PLCG2: variants seen among roughly 807,000 people sequenced by gnomAD.
PLCG2 encodes the protein 1-phosphatidylinositol 4,5-bisphosphate phosphodiesterase gamma-2.
In PLCG2, 69 loss-of-function variants were observed where a neutral mutation model predicts 175.6. The ratio of observed to expected loss-of-function variants is 0.39; its 90% CI spans 0.32 to 0.48. The LOEUF (loss-of-function observed/expected upper bound fraction) is 0.48, where lower values mean the gene tolerates loss of function less well. PLCG2 is among the 20% of genes least tolerant of loss of function. The probability of loss-of-function intolerance (pLI) is 0.91; values close to 1 mark genes in which losing one functional copy is unlikely to be tolerated. For missense variants in PLCG2, 1,798 were observed against 1,650.9 expected, an observed-to-expected ratio of 1.09 and a Z score of -1.54; for synonymous variants, 827 against 624.0, an observed-to-expected ratio of 1.33 and a Z score of -4.85.
chr16:81,768,443 A>G (rs1423845644), intron 2 of PLCG2, among the ~76,000 whole-genome samples: 1 of 151,768 alleles, frequency 6.6e-6, no homozygotes, highest in Non-Finnish European at 1.5e-5. Flanking sequence ...ATGGTAAGTG[A>G]ATGTTTAACT....
intron 14 of PLCG2, among the ~76,000 whole-genome samples, chr16:81,901,142 C>G (rs1182270654): frequency 2.0e-5 from 3 of 152,180 alleles, no homozygotes; most frequent in Non-Finnish European, 4.4e-5. Context: ...CTTCCCCATC[C>G]TCTCTCGGAG....
intron 2 of PLCG2, among the ~76,000 whole-genome samples, chr16:81,790,260 A>G (rs1293521549): frequency 1.3e-5 from 2 of 152,134 alleles, no homozygotes; most frequent in African/African-American, 4.8e-5. Context: ...AGTCTTCCTT[A>G]GGGGTTTGGA....
chr16:81,931,675 G>T (rs1910509293), intron 25 of PLCG2, 21 bp downstream of exon 25: 1 of 1,609,224 alleles, frequency 6.2e-7, no homozygotes, highest in South Asian at 1.1e-5. Context: ...GCTCACCCGG[G>T]TGCAGGTGGG....
chr16:81,835,357 A>T (rs12917731), intron 2 of PLCG2, among the ~76,000 whole-genome samples: 3,230 of 152,080 alleles, frequency 0.021, 41 homozygotes, highest in Middle Eastern at 0.048. Flanking sequence ...GCACTTTGGG[A>T]GGCCAAAGCG....
intron 5 of PLCG2, among the ~76,000 whole-genome samples, chr16:81,865,302 C>T (rs959825629): frequency 6.6e-6 from 1 of 152,098 alleles, no homozygotes; most frequent in Admixed American, 6.5e-5. Context: ...TCCCCTGCAG[C>T]GATGGGGGCT....
intron 27 of PLCG2, 83 bp downstream of exon 27, chr16:81,936,461 AC>A: frequency 9.4e-7 from 1 of 1,063,184 alleles, no homozygotes; most frequent in Non-Finnish European, 1.5e-6. Flanking sequence ...GGTCAGCGAT[AC>A]CATGTGGTGT....
intron 2 of PLCG2, among the ~76,000 whole-genome samples, chr16:81,828,834 C>G (rs535481389): frequency 7.2e-5 from 11 of 152,150 alleles, no homozygotes; most frequent in Non-Finnish European, 1.5e-4. Flanking sequence ...TTTATTTCCC[C>G]TTAACTTGCA....
At chr16:81,796,848 C>G (rs1439104912) in intron 2 of PLCG2, among the ~76,000 whole-genome samples, 1 of 152,212 alleles carries the variant, frequency 6.6e-6, no homozygotes, top group Admixed American at 6.5e-5. Flanking sequence ...AACTGTGAGA[C>G]AAACTTCTGT....
chr16:81,857,232 C>A (rs1317210547), intron 3 of PLCG2, among the ~76,000 whole-genome samples: 2 of 152,202 alleles, frequency 1.3e-5, no homozygotes, highest in Non-Finnish European at 1.5e-5. Flanking sequence ...TAGGGTGGGA[C>A]CTAAGTATTG....
At chr16:81,898,967 C>T (rs1285781018) in intron 13 of PLCG2, among the ~76,000 whole-genome samples, 5 of 152,070 alleles carry the variant, frequency 3.3e-5, no homozygotes, top group African/African-American at 1.2e-4. Context: ...GGTGGATCAA[C>T]TGAATTCAGG....
chr16:81,901,878 A>G (rs1909167569), intron 14 of PLCG2, among the ~76,000 whole-genome samples: 1 of 152,256 alleles, frequency 6.6e-6, no homozygotes, highest in Non-Finnish European at 1.5e-5. Flanking sequence ...TCATGTTTCA[A>G]TATAATTGAG....
intron 2 of PLCG2, among the ~76,000 whole-genome samples, chr16:81,760,503 A>G (rs1910015415): frequency 6.6e-6 from 1 of 152,110 alleles, no homozygotes; most frequent in South Asian, 2.1e-4. Flanking sequence ...GGAGTGTGGG[A>G]AAACAAGATC....
intron 2 of PLCG2, among the ~76,000 whole-genome samples, chr16:81,835,736 G>A (rs899951789): frequency 3.9e-5 from 6 of 152,194 alleles, no homozygotes; most frequent in African/African-American, 1.4e-4. Flanking sequence ...CTTGCAGTGT[G>A]GAGCTTAGAA....
chr16:81,851,972 C>G (rs931694387), intron 2 of PLCG2: 2 of 151,396 alleles, frequency 1.3e-5, no homozygotes, highest in Non-Finnish European at 2.9e-5. Context: ...GGCCACGAAC[C>G]TCTCCTGTGT....
chr16:81,752,979 C>A (rs1909842880), intron 1 of PLCG2, among the ~76,000 whole-genome samples: 1 of 152,220 alleles, frequency 6.6e-6, no homozygotes, highest in Admixed American at 6.5e-5. Flanking sequence ...AACCACGGTA[C>A]TTCGAAGGTC....
At position 81,883,261 on chromosome 16, in the gene PLCG2, G is replaced by A. The variant is rs1411284794; in HGVS notation, c.693-8G>A. 1.9e-6 allele frequency: 3 copies of A among 1,613,702 alleles called. No individual in the cohort carries two copies. Among genetic ancestry groups the A allele is most frequent in the Non-Finnish European group, 2.5e-6 (3 of 1,179,764 alleles). On this transcript the variant is annotated splice_region_variant and splice_polypyrimidine_tract_variant and intron_variant, in intron 8 of 32. Coordinates refer to ENST00000564138, the MANE Select transcript of PLCG2 (RefSeq NM_002661.5). ...GTCTCTAACTGCACCCCCTTTCCCC[G>A]AGGATAGGAACACTGACAGGCCGGA...
At chr16:81,787,959 A>G (rs1911057962) in intron 2 of PLCG2, among the ~76,000 whole-genome samples, 1 of 152,218 alleles carries the variant, frequency 6.6e-6, no homozygotes. Flanking sequence ...CAGTTTATTC[A>G]GTCATCTGTT....
At chr16:81,831,280 C>T (rs1412518641) in intron 2 of PLCG2, among the ~76,000 whole-genome samples, 1 of 152,084 alleles carries the variant, frequency 6.6e-6, no homozygotes, top group Non-Finnish European at 1.5e-5. Context: ...TAGCTGTATC[C>T]CCAGCTCCCA....
chr16:81,903,804 C>T lies in PLCG2; in HGVS notation c.1363-1599C>T, dbSNP rs74029301. ...TTGCTGCCTGTTCCCAGGGAGTTTT[C>T]AGCTCTTGTTCTAAGATGCAAAGTA... On this transcript the variant is annotated intron_variant, in intron 14 of 32. Coordinates refer to ENST00000564138, the MANE Select transcript of PLCG2 (RefSeq NM_002661.5). Among the ~76,000 whole-genome samples, 763 of 152,254 alleles carry T rather than the reference C, an allele frequency of 5.0e-3. 10 individuals carry two copies. Among genetic ancestry groups the T allele is most frequent in the African/African-American group, 0.017 (706 of 41,536 alleles).
Sources: gnomAD v4.1 joint callset for allele counts (sites outside exome capture counted in the v4.1 genomes callset) on GRCh38, gnomAD v4.1.1 for gene constraint, MANE v1.5 for transcripts, NCBI Gene and HGNC (gene_info 2026-07-23, HGNC 2026-07-21) for gene names.